The following CALCR variants were observed in gnomAD, a reference collection of about 807,000 sequenced individuals.
The protein encoded by CALCR is calcitonin receptor.
In CALCR, 47 loss-of-function variants were observed where a neutral mutation model predicts 59.5. That is an observed-to-expected ratio of 0.79 (90% CI 0.63 to 1.01). The LOEUF (loss-of-function observed/expected upper bound fraction) is 1.01, where lower values mean the gene tolerates loss of function less well. Among genes scored for constraint, CALCR ranks in the 50% least tolerant of loss-of-function variants. The pLI, the probability that CALCR is intolerant of heterozygous loss-of-function variation, is 0.00. For missense variants in CALCR, 566 were observed against 597.1 expected, an observed-to-expected ratio of 0.95 and a Z score of 0.54; for synonymous variants, 213 against 211.3, an observed-to-expected ratio of 1.01 and a Z score of -0.07.
intron 2 of CALCR, among the ~76,000 whole-genome samples, chr7:93,488,013 G>A (rs1325683180): frequency 6.6e-6 from 1 of 151,530 alleles, no homozygotes; most frequent in Non-Finnish European, 1.5e-5. Flanking sequence ...AGAGAGAAAG[G>A]CAAAGTAACC....
chr7:93,475,903 A>G (rs1800656688), intron 5 of CALCR, among the ~76,000 whole-genome samples: 1 of 151,786 alleles, frequency 6.6e-6, no homozygotes, highest in African/African-American at 2.4e-5. Flanking sequence ...GTGCTTTGAT[A>G]ATTGATATTT....
intron 13 of CALCR, among the ~76,000 whole-genome samples, chr7:93,430,974 A>C (rs550238084): frequency 6.6e-6 from 1 of 152,322 alleles, no homozygotes; most frequent in South Asian, 2.1e-4. Flanking sequence ...GAATTTCTAA[A>C]CAGAAGAAAC....
chr7:93,493,975 T>C (rs1368389411), intron 2 of CALCR, among the ~76,000 whole-genome samples: 1 of 151,352 alleles, frequency 6.6e-6, no homozygotes, highest in Non-Finnish European at 1.5e-5. Context: ...TTTTACAAAG[T>C]ACAAAGAAGT....
intron 9 of CALCR, among the ~76,000 whole-genome samples, chr7:93,441,716 C>T (rs1303237643): frequency 2.0e-5 from 3 of 152,088 alleles, no homozygotes; most frequent in African/African-American, 7.2e-5. Flanking sequence ...TGCAGCGCTG[C>T]TCTCCTTATA....
intron 2 of CALCR, among the ~76,000 whole-genome samples, chr7:93,565,593 A>G (rs1313372000): frequency 6.6e-6 from 1 of 152,194 alleles, no homozygotes; most frequent in Non-Finnish European, 1.5e-5. Flanking sequence ...ATTTTTTTCT[A>G]AATTGGCCCT....
intron 2 of CALCR, among the ~76,000 whole-genome samples, chr7:93,518,927 T>G (rs933592919): frequency 6.6e-6 from 1 of 151,964 alleles, no homozygotes. Flanking sequence ...TGGTTTCCTC[T>G]GAGGAGATGA....
chr7:93,459,416 G>A (rs2115798328), intron 8 of CALCR, among the ~76,000 whole-genome samples: 1 of 151,606 alleles, frequency 6.6e-6, no homozygotes, highest in South Asian at 2.1e-4. Context: ...AGGAGTCAGG[G>A]ATAAATAACC....
intron 2 of CALCR, among the ~76,000 whole-genome samples, chr7:93,567,583 G>A (rs1394267356): frequency 6.6e-6 from 1 of 151,662 alleles, no homozygotes; most frequent in Non-Finnish European, 1.5e-5. Flanking sequence ...TAAGTTCTAG[G>A]GTACACGTGC....
intron 6 of CALCR, among the ~76,000 whole-genome samples, chr7:93,471,083 A>C (rs1364798921): frequency 1.3e-5 from 2 of 151,764 alleles, no homozygotes; most frequent in Non-Finnish European, 1.5e-5. Flanking sequence ...TTTAATCATT[A>C]TACTAAGTGC....
At chr7:93,527,082 A>G (rs1207680265) in intron 2 of CALCR, among the ~76,000 whole-genome samples, 1 of 151,876 alleles carries the variant, frequency 6.6e-6, no homozygotes. Context: ...TTTCTTTATA[A>G]GGTATGTTTA....
intron 2 of CALCR, among the ~76,000 whole-genome samples, chr7:93,524,042 G>A (rs934079758): frequency 6.6e-6 from 1 of 151,452 alleles, no homozygotes; most frequent in African/African-American, 2.4e-5. Context: ...CCTTAAATAT[G>A]TTTCATCATA....
Position 93,530,587 on chromosome 7 carries a change from T to C in CALCR, c.-26-43580A>G, listed in dbSNP as rs893506091. On this transcript the variant is annotated intron_variant, in intron 2 of 13. Transcript: ENST00000426151. ...TTGACATGCTCTTCTATTAGCAAGG[T>C]TTCAGAGAGCACAGATGGCAATTAG... Among the ~76,000 whole-genome samples the C allele has an allele frequency of 3.9e-5, 6 of 152,038 alleles. 1 individual carries two copies. In the South Asian group the frequency reaches 6.2e-4, roughly 16 times the overall value.
At chr7:93,563,221 T>G (rs1191977976) in intron 2 of CALCR, among the ~76,000 whole-genome samples, 1 of 152,152 alleles carries the variant, frequency 6.6e-6, no homozygotes, top group Non-Finnish European at 1.5e-5. Flanking sequence ...CTTGGAAAGT[T>G]TATCATTTCC....
Position 93,468,786 on chromosome 7 carries a change from A to G in CALCR, c.450T>C (p.Tyr150=), listed in dbSNP as rs1388091557. 1 of 1,609,224 alleles carries G rather than the reference A, an allele frequency of 6.2e-7. No individual in the cohort carries two copies. Among genetic ancestry groups the G allele is most frequent in the South Asian group, 1.1e-5 (1 of 90,858 alleles). The change falls in exon 7 of 14, where the codon TAT becomes TAC. Residue 150 remains tyrosine, a synonymous_variant. Transcript: ENST00000426151. ...ACAAAGAATGACCCACAATAGCCAA[A>G]TAGTACAGAACATATGCATTCTGGA... The part of the protein sequence containing the change: ...EKLKNAYVLY[Y]LAIVGHSLSI...
At chr7:93,446,962 A>G (rs1800017004) in intron 8 of CALCR, among the ~76,000 whole-genome samples, 1 of 152,052 alleles carries the variant, frequency 6.6e-6, no homozygotes, top group Non-Finnish European at 1.5e-5. Context: ...TATTTTCTTC[A>G]TTAATATAAA....
intron 2 of CALCR, among the ~76,000 whole-genome samples, chr7:93,572,196 T>C (rs930409924): frequency 1.3e-5 from 2 of 152,164 alleles, no homozygotes; most frequent in African/African-American, 4.8e-5. Flanking sequence ...GTTATACATA[T>C]ATATGTATGT....
chr7:93,450,742 T>A (rs1436939542), intron 8 of CALCR, among the ~76,000 whole-genome samples: 6 of 151,992 alleles, frequency 3.9e-5, no homozygotes, highest in Non-Finnish European at 7.4e-5. Flanking sequence ...GTTCAGGGTT[T>A]GTAGTTGTTA....
chr7:93,452,386 G>C lies in CALCR; in HGVS notation c.648+8435C>G, dbSNP rs370887640. 7.1e-4 allele frequency among the ~76,000 whole-genome samples: 108 copies of C among 151,986 alleles called. 3 individuals are homozygous for C. The South Asian group carries it at 0.022, about 31-fold the overall frequency. On this transcript the variant is annotated intron_variant, in intron 8 of 13. Transcript: ENST00000426151. Reference sequence around the variant, plus strand: ...TACAGGCCTTTTTGTCAAAATACCAGTTCAGTTGATAAACTAAGGGACAAA... The same window carrying C: ...TACAGGCCTTTTTGTCAAAATACCACTTCAGTTGATAAACTAAGGGACAAA...
intron 6 of CALCR, among the ~76,000 whole-genome samples, chr7:93,470,460 T>G (rs1396613693): frequency 4.0e-5 from 6 of 151,838 alleles, no homozygotes; most frequent in African/African-American, 1.4e-4. Flanking sequence ...TCTGTCGGTC[T>G]TTTAAAAAAT....
Sources: allele counts gnomAD v4.1 joint callset (sites outside exome capture counted in the v4.1 genomes callset), GRCh38; gene constraint gnomAD v4.1.1; transcripts MANE v1.5; gene names NCBI Gene and HGNC (gene_info 2026-07-23, HGNC 2026-07-21).